ARHGAP9: variants seen among roughly 807,000 people sequenced by gnomAD.
ARHGAP9 encodes rho GTPase-activating protein 9.
Under a neutral mutation model 87.3 loss-of-function variants are expected in ARHGAP9, and 76 were observed. The ratio of observed to expected loss-of-function variants is 0.87; its 90% CI spans 0.72 to 1.05. ARHGAP9 has a LOEUF of 1.05. Among genes scored for constraint, ARHGAP9 ranks in the 50% least tolerant of loss-of-function variants. ARHGAP9 has a pLI of 0.00. For missense variants in ARHGAP9, 941 were observed against 960.5 expected (o/e 0.98, Z 0.27); for synonymous variants, 382 against 394.9 (o/e 0.97, Z 0.39).
chr12:57,479,870 G>A (rs1053204346), upstream of ARHGAP9: 4 of 1,464,670 alleles, frequency 2.7e-6, no homozygotes, highest in African/African-American at 2.9e-5. Flanking sequence ...TAATGACAAA[G>A]ACAAAAATGT....
chr12:57,483,411 G>A (rs1245735781), upstream of ARHGAP9, among the ~76,000 whole-genome samples: 1 of 152,128 alleles, frequency 6.6e-6, no homozygotes, highest in Non-Finnish European at 1.5e-5. Flanking sequence ...AGTTCTCATT[G>A]CATATAGTTC....
At chr12:57,480,760 C>A, upstream of ARHGAP9, 3 of 1,549,592 alleles carry the variant, frequency 1.9e-6, no homozygotes. Context: ...AAAACCCACA[C>A]TTCTGCTTCT....
rs111244421 is a variant in ARHGAP9 at position 57,476,634 on chromosome 12, A to G, written c.981T>C (p.Gly327=). 2 of 1,613,676 alleles carry G rather than the reference A, an allele frequency of 1.2e-6. No homozygotes were observed. The highest frequency in any genetic ancestry group is 1.7e-6 in the Non-Finnish European group (2 of 1,179,944). The change falls in exon 7 of 18, where the codon GGT becomes GGC. Residue 327 remains glycine, a synonymous_variant. Coordinates refer to ENST00000393791, the MANE Select transcript of ARHGAP9 (RefSeq NM_032496.4). The part of the protein sequence containing the change: ...LDDPHEVEKS[G]LLNMTKIAQG... ...GGGCAATCTTGGTCATGTTGAGCAG[A>G]CCCGACTTTTCCACCTCCTGGGAAG... is the stretch of plus-strand genomic sequence containing the variant.
At chr12:57,488,767 A>G (rs2139996112) in exon 1 of ARHGAP9, 1 of 1,056,636 alleles carries the variant, frequency 9.5e-7, no homozygotes, top group South Asian at 1.4e-5. Flanking sequence ...CTGCAGCACT[A>G]TCCCAATACC....
At position 57,476,108 on chromosome 12, in the gene ARHGAP9, T is replaced by G; in HGVS notation, c.1175A>C (p.His392Pro). The G allele has an allele frequency of 6.5e-7, 1 of 1,539,678 alleles. No homozygotes were observed. Among genetic ancestry groups the G allele is most frequent in the Non-Finnish European group, 8.7e-7 (1 of 1,143,604 alleles). ...GCGGCGGCTGGACAGGTGGCGGCCG[T>G]GCGCCAGGGCCGCCCCGCGCAGGTC... Reference protein sequence around the residue: ...SVDLRGAALAHGRHLSSRRNV... With the variant: ...SVDLRGAALAPGRHLSSRRNV... The change falls in exon 9 of 18, where the codon CAC becomes CCC. Residue 392 changes from histidine (H) to proline (P), a missense_variant. Transcript: ENST00000393791.
rs537429461 is a variant in ARHGAP9 at position 57,478,691 on chromosome 12, C to T, written c.383G>A (p.Ser128Asn). The change falls in exon 3 of 18, where the codon AGC (serine) becomes AAC (asparagine). Residue 128 changes from serine to asparagine, a missense_variant. By Grantham distance (46) the Ser-to-Asn change is conservative. Coordinates refer to ENST00000393791, the MANE Select transcript of ARHGAP9 (RefSeq NM_032496.4). ...SQALPSRAQA[S>N]SEQPPPLPRK... is the part of the protein sequence containing the mutation. Reference sequence around the variant, plus strand: ...GGGAAGTGGAGGAGGCTGCTCCGAGCTAGCCTGAGCCCTGCTTGGGAGGGC... The same window carrying T: ...GGGAAGTGGAGGAGGCTGCTCCGAGTTAGCCTGAGCCCTGCTTGGGAGGGC... 1.2e-6 allele frequency: 2 copies of T among 1,614,116 alleles called. No individual in the cohort carries two copies. Among genetic ancestry groups the T allele is most frequent in the Non-Finnish European group, 1.7e-6 (2 of 1,180,012 alleles).
At chr12:57,484,245 G>A (rs865817154), upstream of ARHGAP9, among the ~76,000 whole-genome samples, 65 of 151,676 alleles carry the variant, frequency 4.3e-4, no homozygotes, top group African/African-American at 1.5e-3. Flanking sequence ...CCAGCTACTT[G>A]GGAGGCTGAG....
chr12:57,479,630 TGTAA>T (rs1874789276), intron 1 of ARHGAP9, 96 bp downstream of exon 1: 15 of 1,547,240 alleles, frequency 9.7e-6, no homozygotes, highest in African/African-American at 1.4e-5. Context: ...TGAGGAAGTA[TGTAA>T]GTAACATGAG....
rs374366947 is a variant in ARHGAP9 at position 57,474,866 on chromosome 12, G to A, written c.1651+9C>T. ...TGGAAGAGGATTCTGGGGTCTCTGAGAAAATGACCTCTTTTATCCACAGCA... is the reference window on the plus strand; with the variant it reads ...TGGAAGAGGATTCTGGGGTCTCTGAAAAAATGACCTCTTTTATCCACAGCA... On this transcript the variant is annotated intron_variant, in intron 13 of 17. Transcript: ENST00000393791. 1.9e-6 allele frequency: 3 copies of A among 1,614,034 alleles called. No individual in the cohort carries two copies. In the African/African-American group the frequency reaches 4.0e-5, roughly 22 times the overall value.
At chr12:57,481,796 G>C (rs1470767790), upstream of ARHGAP9, among the ~76,000 whole-genome samples, 1 of 152,156 alleles carries the variant, frequency 6.6e-6, no homozygotes, top group East Asian at 1.9e-4. Flanking sequence ...CTTTCTGGCA[G>C]TTCCTTGTCT....
In ARHGAP9 at chr12:57,472,614, C is replaced by G. The variant is rs201915568; in HGVS notation, c.2099G>C (p.Arg700Pro). ...LGIVFGPTLF[R>P]PEQETSDPAA... ...TGGGTCAGATGTCTCCTGCTCTGGC[C>G]GAAACAGGGTTGGTCCAAACACAAT... Residue 700 changes from arginine (R) to proline (P), a missense_variant, in exon 18 of 18, where the codon CGG (arginine) becomes CCG (proline). By Grantham distance (103) the Arg-to-Pro change is moderately radical. Coordinates refer to ENST00000393791, the MANE Select transcript of ARHGAP9 (RefSeq NM_032496.4). 1.9e-6 allele frequency: 3 copies of G among 1,614,182 alleles called. No homozygotes were observed. The highest frequency in any genetic ancestry group is 2.5e-6 in the Non-Finnish European group (3 of 1,180,040).
upstream of ARHGAP9, among the ~76,000 whole-genome samples, chr12:57,480,348 G>GT (rs1293948853): frequency 2.6e-5 from 4 of 151,922 alleles, no homozygotes; most frequent in Middle Eastern, 3.2e-3. Context: ...CACCTGGCTA[G>GT]TTTTTTTATT....
chr12:57,480,396 G>A (rs1372030131), upstream of ARHGAP9, among the ~76,000 whole-genome samples: 1 of 152,024 alleles, frequency 6.6e-6, no homozygotes, highest in Non-Finnish European at 1.5e-5. Context: ...TGGCCAGGCT[G>A]GTCTAGAACT....
chr12:57,477,814 T>C (rs993457702), intron 3 of ARHGAP9, 134 bp from the exon 4 acceptor site: 18 of 1,511,540 alleles, frequency 1.2e-5, no homozygotes, highest in Non-Finnish European at 1.2e-5. Context: ...TGACCCAGGG[T>C]ACTGGGGGAG....
At chr12:57,482,630 G>A (rs1275402481), upstream of ARHGAP9, among the ~76,000 whole-genome samples, 1 of 152,030 alleles carries the variant, frequency 6.6e-6, no homozygotes, top group East Asian at 1.9e-4. Context: ...TATTGAACCT[G>A]GGAAGTTGAG....
Position 57,475,931 on chromosome 12 carries a change from T to C in ARHGAP9, c.1213A>G (p.Ile405Val). 6.2e-7 allele frequency: 1 copy of C among 1,612,086 alleles called. No homozygotes were observed. The change falls in exon 10 of 18, where the codon ATC becomes GTC. Residue 405 changes from isoleucine (I) to valine (V), a missense_variant and splice_region_variant. Physicochemically the swap from Ile to Val is conservative, Grantham distance 29 (BLOSUM62 3). Transcript: ENST00000393791. The stretch of plus-strand genomic sequence containing the variant: ...AACTCGTGGCCAGGGATCGTGCGGA[T>C]CTGAGGGCCAGGCAAGGAAACGCTC... ...HLSSRRNVLH[I>V]RTIPGHEFLL...
Position 57,472,275 on chromosome 12 carries a change from G to T in ARHGAP9, c.*242C>A. 2 of 604,754 alleles carry T rather than the reference G, an allele frequency of 3.3e-6. No homozygotes were observed. The highest frequency in any genetic ancestry group is 5.6e-6 in the Non-Finnish European group (2 of 356,668). The allele number at this position is 604,754 out of a possible 1,614,324, so 37.5% of individuals were successfully genotyped here. A position where few individuals can be genotyped will look rare whatever the true frequency, so the allele number is the denominator to read the frequency against. On this transcript the variant is annotated 3_prime_UTR_variant, in exon 18 of 18. Transcript: ENST00000393791. ...GGAACTGCATCAGAAAAAATACCAT[G>T]CCACTTTATGTATTATTATGTTGGG...
At chr12:57,488,675 G>A in exon 1 of ARHGAP9, 2 of 1,546,614 alleles carry the variant, frequency 1.3e-6, no homozygotes, top group Non-Finnish European at 1.7e-6. Flanking sequence ...AGTCTTCTCA[G>A]TTCTTTTAAT....
In ARHGAP9 at chr12:57,472,587, G is replaced by T; in HGVS notation, c.2126C>A (p.Ala709Glu). The T allele has an allele frequency of 6.2e-7, 1 of 1,614,240 alleles. No homozygotes were observed. Among genetic ancestry groups the T allele is most frequent in the Admixed American group, 1.7e-5 (1 of 60,028 alleles). ...FRPEQETSDP[A>E]AHALYPGQLV... is the part of the protein sequence containing the mutation. ...CTGCCCTGGGTAGAGAGCATGGGCT[G>T]CTGGGTCAGATGTCTCCTGCTCTGG... Residue 709 changes from alanine to glutamate, a missense_variant, in exon 18 of 18, where the codon GCA (alanine) becomes GAA (glutamate). Coordinates refer to ENST00000393791, the MANE Select transcript of ARHGAP9 (RefSeq NM_032496.4).
Sources: gnomAD v4.1 joint callset for allele counts (sites outside exome capture counted in the v4.1 genomes callset) on GRCh38, gnomAD v4.1.1 for gene constraint, MANE v1.5 for transcripts, NCBI Gene and HGNC (gene_info 2026-07-23, HGNC 2026-07-21) for gene names.